Variants in PLXNA1 observed in about 807,000 individuals in gnomAD.
PLXNA1 encodes plexin-A1.
A neutral mutation model predicts 191.7 loss-of-function variants in PLXNA1; 77 were observed. The ratio of observed to expected loss-of-function variants is 0.40; its 90% CI spans 0.33 to 0.49. The LOEUF is 0.49. PLXNA1 is among the 20% of genes least tolerant of loss of function. The pLI is 0.63. For synonymous variants in PLXNA1, 1,137 were observed against 1,156.4 expected, an observed-to-expected ratio of 0.98 and a Z score of 0.34; for missense variants, 2,110 against 2,660.2, an observed-to-expected ratio of 0.79 and a Z score of 4.55.
At chr3:127,011,885 C>A in intron 9 of PLXNA1, 73 bp from the exon 10 acceptor site, 2 of 1,394,074 alleles carry the variant, frequency 1.4e-6, no homozygotes, top group Non-Finnish European at 2.0e-6. Flanking sequence ...CAGTGCACAT[C>A]TGGAGCGTAG....
At chr3:126,992,105 G>A (rs1039903085) in intron 3 of PLXNA1, among the ~76,000 whole-genome samples, 27 of 152,326 alleles carry the variant, frequency 1.8e-4, no homozygotes, top group African/African-American at 5.8e-4. Flanking sequence ...GCCCTGGGCT[G>A]GCCCCACGGT....
At chr3:127,022,023 G>A in intron 21 of PLXNA1, 62 bp from the exon 22 acceptor site, 2 of 1,569,872 alleles carry the variant, frequency 1.3e-6, no homozygotes, top group East Asian at 2.3e-5. Context: ...GCCCCTCACT[G>A]GTCAGCTTGG....
chr3:127,017,309 GTGCCTGGCA>G (rs2079128588), intron 17 of PLXNA1, 107 bp from the exon 18 acceptor site: 2 of 1,422,854 alleles, frequency 1.4e-6, no homozygotes, highest in East Asian at 5.0e-5. Flanking sequence ...AGCCCTGCTA[GTGCCTGGCA>G]TCATCTGTGC....
Position 127,027,847 on chromosome 3 carries a change from A to T in PLXNA1, c.4363-93A>T, listed in dbSNP as rs9851451. 3 of 1,549,298 alleles carry T rather than the reference A, an allele frequency of 1.9e-6. No individual in the cohort carries two copies. In the South Asian group the frequency reaches 3.4e-5, roughly 18 times the overall value. ...GAAGTGCTGCTCATTTCTCCTTGCC[A>T]GGAACACCATGGCTGGCACTCGACG... is the stretch of plus-strand genomic sequence containing the variant. On this transcript the variant is annotated intron_variant, in intron 23 of 31. Coordinates refer to ENST00000393409, the MANE Select transcript of PLXNA1 (RefSeq NM_032242.4).
At chr3:127,020,683 C>G (rs1232413847) in intron 21 of PLXNA1, among the ~76,000 whole-genome samples, 1 of 152,236 alleles carries the variant, frequency 6.6e-6, no homozygotes, top group Non-Finnish European at 1.5e-5. Context: ...CACTTGTCAG[C>G]CTGGGCTTCT....
At position 127,007,786 on chromosome 3, in the gene PLXNA1, C is replaced by T. The variant is rs1236498116; in HGVS notation, c.1998-13C>T. 9.4e-6 allele frequency: 15 copies of T among 1,592,596 alleles called. No individual in the cohort carries two copies. Among genetic ancestry groups the T allele is most frequent in the Admixed American group, 1.7e-5 (1 of 59,570 alleles). On this transcript the variant is annotated splice_polypyrimidine_tract_variant and intron_variant, in intron 8 of 31. Coordinates refer to ENST00000393409, the MANE Select transcript of PLXNA1 (RefSeq NM_032242.4). ...CGGGTCCCCAGGCTTCAGCACCCAC[C>T]CTCTCCCTGCAGCTGCCTGTCCTGT...
rs775638817 is a variant in PLXNA1 at position 127,014,039 on chromosome 3, A to G, written c.2333A>G (p.Asp778Gly). Residue 778 changes from aspartate to glycine, a missense_variant, in exon 11 of 32, where the codon GAT (aspartate) becomes GGT (glycine). Asp to Gly is a moderately conservative substitution (Grantham distance 94, BLOSUM62 -1). This residue lies in a region of PLXNA1 where 644 missense variants were observed against 714.3 expected (regional missense o/e 0.90). Transcript: ENST00000393409. ...QNSSYSYEGN[D>G]VSDLPVNLSV... ...TAACAGTACTCCTACGAGGGGAACG[A>G]TGTCAGCGACCTGCCAGTGAACCTG... The G allele has an allele frequency of 3.7e-6, 6 of 1,613,852 alleles. No homozygotes were observed. The highest frequency in any genetic ancestry group is 5.1e-6 in the Non-Finnish European group (6 of 1,179,956).
chr3:127,032,771 A>G lies in PLXNA1; in HGVS notation c.5530A>G (p.Ser1844Gly). The change falls in exon 31 of 32, where the codon AGC (serine) becomes GGC (glycine). Residue 1844 changes from serine (S) to glycine (G), a missense_variant. Coordinates refer to ENST00000393409, the MANE Select transcript of PLXNA1 (RefSeq NM_032242.4). ...GGCTGAGCAGTCCCGCCTGCACCTGAGCCAGTTCAACAGCATGAGCGCCTT... is the reference window on the plus strand; with the variant it reads ...GGCTGAGCAGTCCCGCCTGCACCTGGGCCAGTTCAACAGCATGAGCGCCTT... ...YLAEQSRLHLSQFNSMSALHE... is the reference protein window; with the variant it reads ...YLAEQSRLHLGQFNSMSALHE... 6.2e-7 allele frequency: 1 copy of G among 1,613,480 alleles called. No homozygotes were observed.
At chr3:127,023,873 G>T (rs2079164606) in intron 23 of PLXNA1, among the ~76,000 whole-genome samples, 1 of 152,132 alleles carries the variant, frequency 6.6e-6, no homozygotes, top group Non-Finnish European at 1.5e-5. Context: ...GTCCCAGGCA[G>T]AAGAGGCCAC....
chr3:127,029,005 G>T lies in PLXNA1; in HGVS notation c.4682G>T (p.Gly1561Val). 1.9e-6 allele frequency: 3 copies of T among 1,612,672 alleles called. No homozygotes were observed. Among genetic ancestry groups the T allele is most frequent in the South Asian group, 1.1e-5 (1 of 91,072 alleles). ...AADMDLEWRQ[G>V]RMARIILQDE... ...CCTCCTCCCCCAGAGTGGCGCCAGG[G>T]CCGCATGGCGCGCATCATCCTGCAG... The change falls in exon 26 of 32, where the codon GGC (glycine) becomes GTC (valine). Residue 1561 changes from glycine (G) to valine (V), a missense_variant. Gly to Val is a moderately radical substitution (Grantham distance 109). Coordinates refer to ENST00000393409, the MANE Select transcript of PLXNA1 (RefSeq NM_032242.4).
rs1371580187 is a variant in PLXNA1 at position 126,983,254 on chromosome 3, A to C, written c.-107A>C. ...GCGGCGCGGGCGGCTGGGCGCGGCG[A>C]TGGCCGGCGGCGGGGCGCGCCCCGG... On this transcript the variant is annotated 5_prime_UTR_variant, in exon 1 of 32. It removes an upstream start codon present in the reference 5' UTR. Coordinates refer to ENST00000393409, the MANE Select transcript of PLXNA1 (RefSeq NM_032242.4). Among the ~76,000 whole-genome samples the C allele has an allele frequency of 7.3e-6, 1 of 137,298 alleles. No homozygotes were observed. The highest frequency in any genetic ancestry group is 2.6e-5 in the African/African-American group (1 of 37,792). The allele number at this position is 137,298 out of a possible 152,430, so 90.1% of individuals were successfully genotyped here. A position where few individuals can be genotyped will look rare whatever the true frequency, so the allele number is the denominator to read the frequency against.
At chr3:127,029,744 TG>T in intron 27 of PLXNA1, 129 bp from the exon 28 acceptor site, 1 of 1,162,156 alleles carries the variant, frequency 8.6e-7, no homozygotes, top group Non-Finnish European at 1.2e-6. Flanking sequence ...GCCACCTCTG[TG>T]GTGTCATCGG....
In PLXNA1 at chr3:127,016,511, C is replaced by T. The variant is rs759762692; in HGVS notation, c.3015-6C>T. 1 of 1,613,444 alleles carries T rather than the reference C, an allele frequency of 6.2e-7. No individual in the cohort carries two copies. Among genetic ancestry groups the T allele is most frequent in the Non-Finnish European group, 8.5e-7 (1 of 1,179,862 alleles). Reference sequence around the variant, plus strand: ...GCTCCTCACTGTCCCACTCGGGCACCTCCAGGAGGAACTCCCGTGAGATCC... The same window carrying T: ...GCTCCTCACTGTCCCACTCGGGCACTTCCAGGAGGAACTCCCGTGAGATCC... On this transcript the variant is annotated splice_region_variant and splice_polypyrimidine_tract_variant and intron_variant, in intron 15 of 31. Transcript: ENST00000393409.
At chr3:127,014,965 C>G in intron 14 of PLXNA1, 134 bp downstream of exon 14, 1 of 1,430,772 alleles carries the variant, frequency 7.0e-7, no homozygotes, top group Non-Finnish European at 9.3e-7. Context: ...GGGTGCTGCC[C>G]CTCCCCTCCT....
intron 3 of PLXNA1, among the ~76,000 whole-genome samples, chr3:127,002,214 C>A (rs996973606): frequency 6.6e-6 from 1 of 152,236 alleles, no homozygotes; most frequent in African/African-American, 2.4e-5. Context: ...GCCGCCTCTT[C>A]CCCTGCCCAG....
intron 23 of PLXNA1, among the ~76,000 whole-genome samples, chr3:127,023,752 C>T (rs1447517948): frequency 6.6e-6 from 1 of 152,146 alleles, no homozygotes; most frequent in Admixed American, 6.5e-5. Context: ...ATCCTCGCTG[C>T]CGGGAGAGAC....
intron 1 of PLXNA1, among the ~76,000 whole-genome samples, chr3:126,983,764 G>A (rs1367311287): frequency 6.6e-6 from 1 of 151,992 alleles, no homozygotes; most frequent in Non-Finnish European, 1.5e-5. Flanking sequence ...GCTGGACCTC[G>A]GCTCAGACCT....
chr3:127,013,538 G>C (rs2079106120), intron 10 of PLXNA1, among the ~76,000 whole-genome samples: 1 of 152,236 alleles, frequency 6.6e-6, no homozygotes, highest in Non-Finnish European at 1.5e-5. Flanking sequence ...GTTGAGGAGG[G>C]GACGGGGAGC....
intron 12 of PLXNA1, 29 bp downstream of exon 12, chr3:127,014,404 C>A: frequency 6.4e-7 from 1 of 1,570,492 alleles, no homozygotes; most frequent in Non-Finnish European, 8.6e-7. Flanking sequence ...CCCCCACACC[C>A]CATGCCCCGC....
Sources: gnomAD v4.1 joint callset for allele counts (sites outside exome capture counted in the v4.1 genomes callset) on GRCh38, gnomAD v4.1.1 for gene constraint, gnomAD v4.1.1 regional missense constraint, MANE v1.5 for transcripts, NCBI Gene and HGNC (gene_info 2026-07-23, HGNC 2026-07-21) for gene names.